Variants in EGFR observed in about 807,000 individuals in gnomAD.
The protein encoded by EGFR is avian erythroblastic leukemia viral (v-erb-b) oncogene homolog.
Under a neutral mutation model 143.0 loss-of-function variants are expected in EGFR, and 58 were observed. That is an observed-to-expected ratio of 0.41 (90% CI 0.33 to 0.50). EGFR has a LOEUF of 0.50. Ranked by LOEUF, EGFR falls within the 20% of genes least tolerant of loss-of-function variation. The pLI is 0.39. For missense variants in EGFR, 1,307 were observed against 1,579.0 expected (o/e 0.83, Z 2.92); for synonymous variants, 613 against 594.4 (o/e 1.03, Z -0.45).
At chr7:55,105,138 G>T (rs566280403) in intron 1 of EGFR, among the ~76,000 whole-genome samples, 1 of 152,186 alleles carries the variant, frequency 6.6e-6, no homozygotes. Flanking sequence ...AGGAGCTTGC[G>T]GTTGTTACAT....
intron 1 of EGFR, among the ~76,000 whole-genome samples, chr7:55,041,418 AAAG>A (rs1164093415): frequency 1.3e-5 from 2 of 152,178 alleles, no homozygotes; most frequent in African/African-American, 4.8e-5. Flanking sequence ...CGCAAAAAAA[AAAG>A]AAGTAAGAAG....
intron 20 of EGFR, among the ~76,000 whole-genome samples, chr7:55,184,163 A>G (rs1233259490): frequency 1.3e-5 from 2 of 152,096 alleles, no homozygotes. Context: ...TCTTTCTGGG[A>G]GGTAGGGAGG....
chr7:55,131,502 G>A (rs1392842916), intron 1 of EGFR, among the ~76,000 whole-genome samples: 2 of 152,098 alleles, frequency 1.3e-5, no homozygotes, highest in Admixed American at 6.5e-5. Context: ...ACAAGATGAC[G>A]ACGACTCAGG....
rs563655141 is a variant in EGFR, at chr7:55,105,826, T to TA, written c.89-36452dup. On this transcript the variant is annotated intron_variant, in intron 1 of 27. Transcript: ENST00000275493. ...ATTTTAATTTAGTTGTTTTGATTGTTAAAAAAAACACATCTGTTTGGTAGA... is the reference window on the plus strand; with the variant it reads ...ATTTTAATTTAGTTGTTTTGATTGTTAAAAAAAAACACATCTGTTTGGTAGA... 8.5e-4 allele frequency among the ~76,000 whole-genome samples: 129 copies of TA among 152,128 alleles called. 1 individual carries two copies. Among genetic ancestry groups the TA allele is most frequent in the African/African-American group, 2.1e-3 (86 of 41,492 alleles).
At chr7:55,095,750 G>A (rs574098673) in intron 1 of EGFR, among the ~76,000 whole-genome samples, 32 of 134,538 alleles carry the variant, frequency 2.4e-4, no homozygotes, top group Admixed American at 2.0e-3. Flanking sequence ...ACAGACATAC[G>A]CACAGATGGG....
At chr7:55,051,978 A>G (rs1788517089) in intron 1 of EGFR, among the ~76,000 whole-genome samples, 1 of 152,202 alleles carries the variant, frequency 6.6e-6, no homozygotes, top group Non-Finnish European at 1.5e-5. Context: ...CAACTCCAGG[A>G]GGGCAGAGTT....
At chr7:55,155,989 G>A (rs758429310) in intron 8 of EGFR, 43 bp downstream of exon 8, 15 of 1,465,510 alleles carry the variant, frequency 1.0e-5, no homozygotes, top group Non-Finnish European at 1.2e-5. Context: ...GTTCTCGGCT[G>A]CTGAGGCTGG....
chr7:55,062,293 C>A (rs1470297907), intron 1 of EGFR, among the ~76,000 whole-genome samples: 1 of 152,056 alleles, frequency 6.6e-6, no homozygotes, highest in South Asian at 2.1e-4. Flanking sequence ...CACTCTCTTG[C>A]GTCATAGGCC....
At position 55,211,018 on chromosome 7, in the gene EGFR, T is replaced by C. The variant is rs1788224614; in HGVS notation, c.*5401T>C. 1 of 152,206 alleles carries C rather than the reference T, an allele frequency of 6.6e-6. No homozygotes were observed. The highest frequency in any genetic ancestry group is 2.1e-4 in the South Asian group (1 of 4,830). 9.4% of individuals were successfully genotyped at this position (152,206 alleles called of 1,614,324 possible). A position where few individuals can be genotyped will look rare whatever the true frequency, so the allele number is the denominator to read the frequency against. The stretch of plus-strand genomic sequence containing the variant: ...TTAAGAAACATTTGTTATACATTCC[T>C]CACAAATTATACCTGGGATAAAAAC... On this transcript the variant is annotated 3_prime_UTR_variant, in exon 28 of 28. Coordinates refer to ENST00000275493, the MANE Select transcript of EGFR (RefSeq NM_005228.5).
Position 55,151,380 on chromosome 7 carries a change from C to T in EGFR, c.628+18C>T. ...CCAGAAACGTAAGTCAGTGAACAGCCTCAGACCCATGTGTGACCGCCCCTC... is the reference window on the plus strand; with the variant it reads ...CCAGAAACGTAAGTCAGTGAACAGCTTCAGACCCATGTGTGACCGCCCCTC... On this transcript the variant is annotated intron_variant, in intron 5 of 27. Coordinates refer to ENST00000275493, the MANE Select transcript of EGFR (RefSeq NM_005228.5). 1 of 1,613,978 alleles carries T rather than the reference C, an allele frequency of 6.2e-7. No individual in the cohort carries two copies. Among genetic ancestry groups the T allele is most frequent in the African/African-American group, 1.3e-5 (1 of 75,036 alleles).
At chr7:55,187,744 T>A (rs1584249896) in intron 20 of EGFR, among the ~76,000 whole-genome samples, 1 of 152,130 alleles carries the variant, frequency 6.6e-6, no homozygotes, top group East Asian at 1.9e-4. Flanking sequence ...AAAAACTTCA[T>A]CAGATCCGTA....
Position 55,089,939 on chromosome 7 carries a change from CTTATTTATTTATTTATTTAT to C in EGFR, c.89-52320_89-52301del, listed in dbSNP as rs201718066. On this transcript the variant is annotated intron_variant, in intron 1 of 27. Transcript: ENST00000275493. ...ACCTATGTGAGCCTAGGTGATGCTACTTATTTATTTATTTATTTATTTATTTATTTATTTATTTATTTATT... is the reference window on the plus strand; with the variant it reads ...ACCTATGTGAGCCTAGGTGATGCTACTTATTTATTTATTTATTTATTTATT... 1.5e-3 allele frequency among the ~76,000 whole-genome samples: 214 copies of C among 145,200 alleles called. 8 individuals carry two copies. In the South Asian group the frequency reaches 0.045, roughly 31 times the overall value.
chr7:55,145,099 G>T (rs751356552), intron 3 of EGFR, among the ~76,000 whole-genome samples: 4 of 152,186 alleles, frequency 2.6e-5, no homozygotes, highest in Non-Finnish European at 5.9e-5. Context: ...AAGCCACCGG[G>T]AAGCGGCTCC....
At chr7:55,165,257 C>A (rs2128945986) in intron 14 of EGFR, 23 bp from the exon 15 acceptor site, 1 of 1,613,958 alleles carries the variant, frequency 6.2e-7, no homozygotes, top group Non-Finnish European at 8.5e-7. Flanking sequence ...CATGCATGAA[C>A]ATTTTTCTCC....
At chr7:55,133,220 C>G (rs1018324024) in intron 1 of EGFR, among the ~76,000 whole-genome samples, 10 of 152,156 alleles carry the variant, frequency 6.6e-5, no homozygotes, top group African/African-American at 2.4e-4. Context: ...TTGTGAGGGC[C>G]TGTCTAGGAA....
In EGFR at chr7:55,154,136, C is replaced by T. The variant is rs570790705; in HGVS notation, c.873C>T (p.Cys291=). 4.0e-5 allele frequency: 65 copies of T among 1,614,228 alleles called. No individual in the cohort carries two copies. Among genetic ancestry groups the T allele is most frequent in the Non-Finnish European group, 5.4e-5 (64 of 1,180,048 alleles). The change falls in exon 7 of 28, where the codon TGC becomes TGT. Residue 291 remains cysteine (C), a synonymous_variant. Transcript: ENST00000275493. ...PEGKYSFGAT[C]VKKCPRNYVV... ...GCAAATACAGCTTTGGTGCCACCTG[C>T]GTGAAGAAGTGTCCCCGTGAGTCCT...
intron 24 of EGFR, chr7:55,200,622 C>T (rs1787805775): frequency 3.2e-6 from 2 of 632,486 alleles, no homozygotes; most frequent in Non-Finnish European, 5.7e-6. Flanking sequence ...ACTCCATCTC[C>T]CCCTCCCCGT....
At position 55,087,524 on chromosome 7, in the gene EGFR, T is replaced by C. The variant is rs912505179; in HGVS notation, c.89-54762T>C. 3.3e-5 allele frequency among the ~76,000 whole-genome samples: 5 copies of C among 152,182 alleles called. No homozygotes were observed. The East Asian group carries it at 9.6e-4, about 29-fold the overall frequency. The stretch of plus-strand genomic sequence containing the variant: ...ATGCTTTCATGAAACATGGGTTGTG[T>C]GTAAAATGTTTAAAAGGTATGGCAA... On this transcript the variant is annotated intron_variant, in intron 1 of 27. Transcript: ENST00000275493.
At chr7:55,061,612 ATGTGTGTGTG>A (rs1205967063) in intron 1 of EGFR, among the ~76,000 whole-genome samples, 15 of 126,330 alleles carry the variant, frequency 1.2e-4, no homozygotes, top group Admixed American at 5.7e-4. Context: ...GTCTCCAGGG[ATGTGTGTGTG>A]TGTGTGTGTG....
Sources: gnomAD v4.1 joint callset for allele counts (sites outside exome capture counted in the v4.1 genomes callset) on GRCh38, gnomAD v4.1.1 for gene constraint, MANE v1.5 for transcripts, NCBI Gene and HGNC (gene_info 2026-07-23, HGNC 2026-07-21) for gene names.